FRMD4A: variants seen among roughly 807,000 people sequenced by gnomAD.
The protein encoded by FRMD4A is FERM domain containing 4A.
A neutral mutation model predicts 129.1 loss-of-function variants in FRMD4A; 29 were observed. That is an observed-to-expected ratio of 0.22 (90% CI 0.17 to 0.31). The LOEUF is 0.31. Ranked by LOEUF, FRMD4A falls within the 10% of genes least tolerant of loss-of-function variation. The pLI, the probability that FRMD4A is intolerant of heterozygous loss-of-function variation, is 1.00. For synonymous variants in FRMD4A, 634 were observed against 571.6 expected, an observed-to-expected ratio of 1.11 and a Z score of -1.56; for missense variants, 1,272 against 1,375.8, an observed-to-expected ratio of 0.92 and a Z score of 1.19.
rs199936926 is a variant in FRMD4A, at chr10:13,740,826, TG to T, written c.549-250del. On this transcript the variant is annotated intron_variant, in intron 9 of 24. Coordinates refer to ENST00000357447, the MANE Select transcript of FRMD4A (RefSeq NM_018027.5). ...TTGCATTCTCTTTGTCTTGGATGTTTGTTTTTTTTTTTTTTTTTGAGACGGA... is the reference window on the plus strand; with the variant it reads ...TTGCATTCTCTTTGTCTTGGATGTTTTTTTTTTTTTTTTTTTTGAGACGGA... Among the ~76,000 whole-genome samples the T allele has an allele frequency of 2.2e-3, 305 of 140,128 alleles. 30 individuals carry two copies. Among genetic ancestry groups the T allele is most frequent in the South Asian group, 8.4e-3 (33 of 3,936 alleles). 91.9% of individuals were successfully genotyped at this position (140,128 alleles called of 152,430 possible).
intron 6 of FRMD4A, 120 bp from the exon 7 acceptor site, chr10:13,762,800 C>A (rs912935541): frequency 1.5e-6 from 1 of 676,602 alleles, no homozygotes; most frequent in Admixed American, 2.4e-5. Flanking sequence ...TTGAGACCAG[C>A]CTGGGCAACA....
At chr10:13,760,260 G>A (rs1013276676) in intron 8 of FRMD4A, among the ~76,000 whole-genome samples, 1 of 152,040 alleles carries the variant, frequency 6.6e-6, no homozygotes. Flanking sequence ...AAAAAAGCTC[G>A]CCGATCCTTG....
intron 5 of FRMD4A, among the ~76,000 whole-genome samples, chr10:13,789,476 A>G (rs1272960130): frequency 6.6e-6 from 1 of 151,960 alleles, no homozygotes; most frequent in Non-Finnish European, 1.5e-5. Flanking sequence ...ACTACAGGAC[A>G]CTTGGTAGAA....
intron 2 of FRMD4A, among the ~76,000 whole-genome samples, chr10:14,054,370 G>A (rs990138472): frequency 6.6e-6 from 1 of 152,128 alleles, no homozygotes; most frequent in Non-Finnish European, 1.5e-5. Context: ...TCAGGAAAAC[G>A]GACGCTGCTT....
chr10:13,674,061 C>T (rs927913215), intron 16 of FRMD4A, among the ~76,000 whole-genome samples: 1 of 152,084 alleles, frequency 6.6e-6, no homozygotes, highest in Admixed American at 6.6e-5. Flanking sequence ...AGCAGCTGTG[C>T]CCAGCCTGCA....
intron 2 of FRMD4A, among the ~76,000 whole-genome samples, chr10:14,055,275 G>A (rs1214043562): frequency 6.6e-6 from 1 of 152,200 alleles, no homozygotes; most frequent in Non-Finnish European, 1.5e-5. Flanking sequence ...AGGTTACTCT[G>A]TATGGATATG....
At chr10:13,679,776 C>T (rs1375158557) in intron 15 of FRMD4A, among the ~76,000 whole-genome samples, 1 of 152,068 alleles carries the variant, frequency 6.6e-6, no homozygotes, top group Admixed American at 6.6e-5. Context: ...CGCTGCTCTA[C>T]CTCAGGGCTT....
At chr10:13,798,214 C>T (rs1283886401) in intron 4 of FRMD4A, among the ~76,000 whole-genome samples, 1 of 151,692 alleles carries the variant, frequency 6.6e-6, no homozygotes, top group Non-Finnish European at 1.5e-5. Context: ...AGTTTGGTAT[C>T]AGCCTGGCCA....
chr10:13,820,641 C>T (rs2093616253), intron 3 of FRMD4A, among the ~76,000 whole-genome samples: 1 of 152,222 alleles, frequency 6.6e-6, no homozygotes, highest in Non-Finnish European at 1.5e-5. Flanking sequence ...TGAAGAGTGA[C>T]ACTCTCAGCT....
At chr10:13,726,989 G>A (rs1195698152) in intron 12 of FRMD4A, among the ~76,000 whole-genome samples, 7 of 152,220 alleles carry the variant, frequency 4.6e-5, no homozygotes, top group Non-Finnish European at 8.8e-5. Context: ...TGCAACCTCT[G>A]CCTCCCAGGT....
intron 5 of FRMD4A, among the ~76,000 whole-genome samples, chr10:13,785,954 T>A (rs2092847652): frequency 6.6e-6 from 1 of 152,244 alleles, no homozygotes. Context: ...CATGAACTCA[T>A]CCTTTTTTGT....
At chr10:13,701,214 C>G in intron 14 of FRMD4A, 126 bp downstream of exon 14, 1 of 800,150 alleles carries the variant, frequency 1.2e-6, no homozygotes, top group East Asian at 2.5e-5. Flanking sequence ...AAGAGGCAAG[C>G]CTGTATCTGT....
chr10:14,277,839 C>T (rs752812018), intron 2 of FRMD4A, among the ~76,000 whole-genome samples: 5 of 152,206 alleles, frequency 3.3e-5, no homozygotes, highest in Admixed American at 6.5e-5. Context: ...AGGGGAGCTC[C>T]GGCATTCTCT....
At chr10:14,263,649 A>G (rs938415580) in intron 2 of FRMD4A, among the ~76,000 whole-genome samples, 1 of 152,132 alleles carries the variant, frequency 6.6e-6, no homozygotes, top group African/African-American at 2.4e-5. Flanking sequence ...GCCATCAAGG[A>G]TGGAAACTTT....
intron 14 of FRMD4A, among the ~76,000 whole-genome samples, chr10:13,697,702 C>A (rs1043297311): frequency 8.5e-4 from 129 of 151,910 alleles, no homozygotes; most frequent in African/African-American, 3.0e-3. Flanking sequence ...GCCTTTGACT[C>A]TAAATAAAAT....
intron 13 of FRMD4A, among the ~76,000 whole-genome samples, chr10:13,705,763 G>A (rs897990566): frequency 1.3e-5 from 2 of 152,108 alleles, no homozygotes; most frequent in African/African-American, 2.4e-5. Context: ...GAGAAACACC[G>A]GATAAAATAT....
intron 2 of FRMD4A, among the ~76,000 whole-genome samples, chr10:14,112,857 A>T (rs1170553548): frequency 6.6e-6 from 1 of 152,170 alleles, no homozygotes; most frequent in Non-Finnish European, 1.5e-5. Context: ...TTCCAAATTC[A>T]AAAGGAAACT....
At position 13,724,984 on chromosome 10, in the gene FRMD4A, G is replaced by A. The variant is rs183483295; in HGVS notation, c.759+12860C>T. Among the ~76,000 whole-genome samples the A allele has an allele frequency of 1.1e-3, 167 of 152,324 alleles. 3 individuals are homozygous for A. In the East Asian group the frequency reaches 0.028, roughly 26 times the overall value. On this transcript the variant is annotated intron_variant, in intron 12 of 24. Transcript: ENST00000357447. ...GGCTCCACGGGAGTCAAAGACAGAC[G>A]TGGGGTTACCTACTTAGAAACTGGC...
chr10:14,185,486 A>T, intron 2 of FRMD4A, among the ~76,000 whole-genome samples: 1 of 152,228 alleles, frequency 6.6e-6, no homozygotes, highest in East Asian at 1.9e-4. Flanking sequence ...AACATTTTGT[A>T]ATTTTTCTAA....
Sources: allele counts gnomAD v4.1 joint callset (sites outside exome capture counted in the v4.1 genomes callset), GRCh38; gene constraint gnomAD v4.1.1; transcripts MANE v1.5; gene names NCBI Gene and HGNC (gene_info 2026-07-23, HGNC 2026-07-21).